Variants in SRRM4 observed in about 807,000 individuals in gnomAD.
SRRM4 encodes serine/arginine repetitive matrix 4, also known as serine/arginine repetitive matrix protein 4.
In SRRM4, 33 loss-of-function variants were observed where a neutral mutation model predicts 68.9. The observed-to-expected ratio is 0.48, with a 90% confidence interval of 0.36 to 0.64. The LOEUF is 0.64. SRRM4 is among the 30% of genes least tolerant of loss of function. The probability of loss-of-function intolerance (pLI) is 0.00; values close to 1 mark genes in which losing one functional copy is unlikely to be tolerated. For synonymous variants in SRRM4, 318 were observed against 318.8 expected (o/e 1.00, Z 0.03); for missense variants, 817 against 827.1 (o/e 0.99, Z 0.15).
At chr12:119,067,332 T>C (rs1422659467) in intron 1 of SRRM4, among the ~76,000 whole-genome samples, 2 of 152,296 alleles carry the variant, frequency 1.3e-5, no homozygotes, top group Admixed American at 1.3e-4. Flanking sequence ...TTGCTTCTTA[T>C]CATATTTCTT....
chr12:119,127,726 CT>C (rs1954270322), intron 7 of SRRM4, among the ~76,000 whole-genome samples: 1 of 61,594 alleles, frequency 1.6e-5, no homozygotes, highest in Non-Finnish European at 3.1e-5. Context: ...GAAAGTCTGT[CT>C]CAAAAAAAAA....
At chr12:119,014,330 G>A (rs1953468328) in intron 1 of SRRM4, among the ~76,000 whole-genome samples, 3 of 152,024 alleles carry the variant, frequency 2.0e-5, no homozygotes, top group South Asian at 2.1e-4. Context: ...AAAAATTATA[G>A]GTAGCTTTTG....
chr12:119,143,515 T>G (rs1954379879), intron 8 of SRRM4, among the ~76,000 whole-genome samples: 1 of 152,230 alleles, frequency 6.6e-6, no homozygotes. Flanking sequence ...ATTTAGACCC[T>G]TGGACCATTT....
In SRRM4 at chr12:119,153,577, G is replaced by C. The variant is rs1490632776; in HGVS notation, c.1319G>C (p.Gly440Ala). Residue 440 changes from glycine to alanine, a missense_variant, in exon 11 of 13, where the codon GGC becomes GCC. Gly to Ala is a moderately conservative substitution (Grantham distance 60). Coordinates refer to ENST00000267260, the MANE Select transcript of SRRM4 (RefSeq NM_194286.4). ...TCTCCCAGCTATTCCTCCAAGTCTG[G>C]CAAGAGGAGCCCGCCCAGCAGAAGC... is the stretch of plus-strand genomic sequence containing the variant. ...SRSPSYSSKS[G>A]KRSPPSRSSR... 1.3e-6 allele frequency: 2 copies of C among 1,576,630 alleles called. No homozygotes were observed. The highest frequency in any genetic ancestry group is 1.7e-6 in the Non-Finnish European group (2 of 1,162,008).
At chr12:119,099,784 GTTC>G (rs1954067444) in intron 1 of SRRM4, among the ~76,000 whole-genome samples, 1 of 152,156 alleles carries the variant, frequency 6.6e-6, no homozygotes, top group Non-Finnish European at 1.5e-5. Flanking sequence ...GGAGGCCTCA[GTTC>G]TTCTTCACAT....
intron 9 of SRRM4, 87 bp downstream of exon 9, chr12:119,145,772 A>C: frequency 8.9e-7 from 1 of 1,126,814 alleles, no homozygotes; most frequent in South Asian, 2.7e-5. Context: ...CCCCCACTCC[A>C]CCCCCAAGAT....
rs575871469 is a variant in SRRM4, at chr12:119,081,791, T to C, written c.132-20445T>C. Among the ~76,000 whole-genome samples the C allele has an allele frequency of 3.3e-5, 5 of 152,356 alleles. No homozygotes were observed. The South Asian group carries it at 1.0e-3, about 32-fold the overall frequency. On this transcript the variant is annotated intron_variant, in intron 1 of 12. Transcript: ENST00000267260. ...GAGAGAAGTGATTGGATTCTGAATG[T>C]ACTTTGAAGTTAGCATCTAGATTTG... is the stretch of plus-strand genomic sequence containing the variant.
intron 1 of SRRM4, among the ~76,000 whole-genome samples, chr12:118,990,870 A>AGT (rs1953312270): frequency 6.6e-6 from 1 of 152,114 alleles, no homozygotes; most frequent in African/African-American, 2.4e-5. Context: ...CCCAGGCTGG[A>AGT]GTGCAGTGGT....
At chr12:118,996,940 G>A (rs952327612) in intron 1 of SRRM4, among the ~76,000 whole-genome samples, 3 of 152,216 alleles carry the variant, frequency 2.0e-5, no homozygotes, top group Non-Finnish European at 2.9e-5. Flanking sequence ...GAGGAGGAAG[G>A]TTCTGCACAG....
At chr12:118,993,031 G>A (rs111540301) in intron 1 of SRRM4, among the ~76,000 whole-genome samples, 3,002 of 152,178 alleles carry the variant, frequency 0.02, 114 homozygotes, top group African/African-American at 0.068. Flanking sequence ...CATTACTATC[G>A]TCACTGTTAA....
At chr12:118,983,636 G>A (rs547240723) in intron 1 of SRRM4, among the ~76,000 whole-genome samples, 23 of 152,222 alleles carry the variant, frequency 1.5e-4, no homozygotes, top group African/African-American at 5.1e-4. Flanking sequence ...TAGAAGTATG[G>A]CATTTAGTCC....
At chr12:118,990,311 G>A (rs1445441664) in intron 1 of SRRM4, among the ~76,000 whole-genome samples, 1 of 152,136 alleles carries the variant, frequency 6.6e-6, no homozygotes, top group Non-Finnish European at 1.5e-5. Context: ...GCAACCAGGG[G>A]AGTCTCTAGA....
chr12:119,017,952 A>C (rs1485378588), intron 1 of SRRM4, among the ~76,000 whole-genome samples: 1 of 152,204 alleles, frequency 6.6e-6, no homozygotes, highest in Non-Finnish European at 1.5e-5. Context: ...TAGTTAACCC[A>C]TCTGAACCCC....
intron 1 of SRRM4, among the ~76,000 whole-genome samples, chr12:118,998,429 C>G (rs1016752825): frequency 1.3e-5 from 2 of 152,122 alleles, no homozygotes; most frequent in Non-Finnish European, 1.5e-5. Context: ...TGTCTGTCAT[C>G]CTTGCAGGAA....
At chr12:119,125,537 A>G in intron 7 of SRRM4, 58 bp downstream of exon 7, 1 of 1,459,004 alleles carries the variant, frequency 6.9e-7, no homozygotes. Context: ...AGGCTAAGAC[A>G]CTGTTAACAC....
chr12:119,043,809 A>ACACACACACAC (rs1555215467), intron 1 of SRRM4, among the ~76,000 whole-genome samples: 2 of 57,250 alleles, frequency 3.5e-5, no homozygotes, highest in Non-Finnish European at 9.2e-5. Context: ...CACACACACA[A>ACACACACACAC]GTCTTGGGCA....
At chr12:119,129,655 C>T (rs1421108922) in intron 7 of SRRM4, among the ~76,000 whole-genome samples, 1 of 152,190 alleles carries the variant, frequency 6.6e-6, no homozygotes, top group African/African-American at 2.4e-5. Flanking sequence ...GGATGGGGAC[C>T]TTTTCTGTTT....
intron 8 of SRRM4, among the ~76,000 whole-genome samples, chr12:119,136,645 G>T (rs1206172452): frequency 6.6e-6 from 1 of 152,122 alleles, no homozygotes; most frequent in Non-Finnish European, 1.5e-5. Context: ...TCTTCAAATC[G>T]AAAGTATTTA....
chr12:119,141,179 G>C (rs1387913813), intron 8 of SRRM4, among the ~76,000 whole-genome samples: 2 of 152,298 alleles, frequency 1.3e-5, no homozygotes, highest in Admixed American at 6.5e-5. Context: ...CTGACCTCAA[G>C]TAATCCACCC....
Sources: allele counts gnomAD v4.1 joint callset (sites outside exome capture counted in the v4.1 genomes callset), GRCh38; gene constraint gnomAD v4.1.1; transcripts MANE v1.5; gene names NCBI Gene and HGNC (gene_info 2026-07-23, HGNC 2026-07-21).